Variants in NIN observed in about 807,000 individuals in gnomAD.
NIN encodes the protein glycogen synthase kinase 3 beta-interacting protein.
Under a neutral mutation model 257.6 loss-of-function variants are expected in NIN, and 137 were observed. The observed-to-expected ratio is 0.53, with a 90% CI of 0.46 to 0.61. The LOEUF (loss-of-function observed/expected upper bound fraction) is 0.61, where lower values mean the gene tolerates loss of function less well. Ranked by LOEUF, NIN falls within the 20% of genes least tolerant of loss-of-function variation. The pLI is 0.00. For synonymous variants in NIN, 918 were observed against 919.8 expected, an observed-to-expected ratio of 1.00 and a Z score of 0.04; for missense variants, 2,439 against 2,501.2, an observed-to-expected ratio of 0.98 and a Z score of 0.53.
At chr14:50,738,406 C>T (rs537938739) in intron 26 of NIN, 120 bp from the exon 27 acceptor site, 4 of 836,558 alleles carry the variant, frequency 4.8e-6, no homozygotes, top group Non-Finnish European at 5.6e-6. Flanking sequence ...CTTTTTCAAT[C>T]AAGCCTGTAA....
chr14:50,784,945 G>T (rs564658393), intron 5 of NIN, among the ~76,000 whole-genome samples: 2 of 152,184 alleles, frequency 1.3e-5, no homozygotes, highest in Non-Finnish European at 2.9e-5. Flanking sequence ...CAGCCCCATT[G>T]AGAGTAGGCA....
intron 14 of NIN, 136 bp from the exon 15 acceptor site, chr14:50,764,100 A>G (rs2042381375): frequency 2.8e-6 from 2 of 709,426 alleles, no homozygotes; most frequent in Non-Finnish European, 2.3e-6. Flanking sequence ...GAAAGTAGAA[A>G]TGTTTTGCAA....
At chr14:50,766,516 G>T in intron 13 of NIN, 120 bp from the exon 14 acceptor site, 1 of 868,482 alleles carries the variant, frequency 1.2e-6, no homozygotes, top group Non-Finnish European at 1.9e-6. Context: ...AATGTGACAT[G>T]TAAGCACGAA....
In NIN at chr14:50,756,762, G is replaced by A; in HGVS notation, c.4268C>T (p.Pro1423Leu). 1.9e-6 allele frequency: 3 copies of A among 1,551,502 alleles called. No homozygotes were observed. Among genetic ancestry groups the A allele is most frequent in the African/African-American group, 1.4e-5 (1 of 73,136 alleles). The change falls in exon 18 of 31, where the codon CCA becomes CTA. Residue 1423 changes from proline (P) to leucine (L), a missense_variant. Physicochemically the swap from Pro to Leu is moderately conservative, Grantham distance 98 (BLOSUM62 -3). Transcript: ENST00000530997. ...HGTIQTHQER[P>L]RVQNQVILEE... ...CAGTATAACTTGATTCTGTACTCTT[G>A]GCCTTTCTTGATGTGTCTGAATTGT...
chr14:50,722,408 C>T lies in NIN; in HGVS notation c.*1055G>A, dbSNP rs2140298244. The T allele has an allele frequency of 4.7e-6, 1 of 211,740 alleles. No individual in the cohort carries two copies. The highest frequency in any genetic ancestry group is 2.3e-5 in the African/African-American group (1 of 44,212). 13.1% of individuals were successfully genotyped at this position (211,740 alleles called of 1,614,324 possible). A position where few individuals can be genotyped will look rare whatever the true frequency, so the allele number is the denominator to read the frequency against. The stretch of plus-strand genomic sequence containing the variant: ...ACCCTAAAATCAAGGCCTTTTTTCC[C>T]CCAGAATATTAAATTTACTAAAAAC... On this transcript the variant is annotated 3_prime_UTR_variant, in exon 31 of 31. Transcript: ENST00000530997.
At chr14:50,723,894 G>A in intron 30 of NIN, 1 of 526,182 alleles carries the variant, frequency 1.9e-6, no homozygotes, top group South Asian at 2.4e-5. Context: ...AGATGTTTAT[G>A]TCAGTTACTA....
intron 5 of NIN, among the ~76,000 whole-genome samples, chr14:50,783,661 G>C (rs190417642): frequency 9.9e-5 from 15 of 152,066 alleles, no homozygotes; most frequent in African/African-American, 3.1e-4. Flanking sequence ...GGGGGTGGGT[G>C]GGGGAAGATT....
intron 3 of NIN, among the ~76,000 whole-genome samples, chr14:50,813,757 TGGGAGAA>T (rs2044750706): frequency 6.6e-6 from 1 of 152,174 alleles, no homozygotes; most frequent in African/African-American, 2.4e-5. Flanking sequence ...AGACCCAAGG[TGGGAGAA>T]CTCAAACTAG....
rs116065170 is a variant in NIN, at chr14:50,819,650, G to A, written c.183+2224C>T. Reference sequence around the variant, plus strand: ...ATGTCTTTATCAGCAGCGTGAAAACGGACTAATACAGATCCCATGCCATGA... The same window carrying A: ...ATGTCTTTATCAGCAGCGTGAAAACAGACTAATACAGATCCCATGCCATGA... On this transcript the variant is annotated intron_variant, in intron 3 of 30. Coordinates refer to ENST00000530997, the MANE Select transcript of NIN (RefSeq NM_020921.4). 3.8e-3 allele frequency among the ~76,000 whole-genome samples: 576 copies of A among 152,266 alleles called. 2 individuals carry two copies. Among genetic ancestry groups the A allele is most frequent in the African/African-American group, 0.013 (548 of 41,546 alleles).
At chr14:50,763,699 A>G (rs1248114917) in intron 15 of NIN, 127 bp downstream of exon 15, 3 of 765,834 alleles carry the variant, frequency 3.9e-6, no homozygotes, top group Middle Eastern at 3.7e-4. Context: ...TCAAGAAAAG[A>G]GTATGGCCAA....
At chr14:50,728,703 A>T (rs2040536423) in intron 29 of NIN, among the ~76,000 whole-genome samples, 1 of 152,252 alleles carries the variant, frequency 6.6e-6, no homozygotes, top group Non-Finnish European at 1.5e-5. Context: ...AATTAACTAA[A>T]TAGGCAAGCT....
chr14:50,747,974 A>T lies in NIN; in HGVS notation c.5064+18T>A. 1 of 1,534,302 alleles carries T rather than the reference A, an allele frequency of 6.5e-7. No individual in the cohort carries two copies. The highest frequency in any genetic ancestry group is 9.0e-7 in the Non-Finnish European group (1 of 1,107,172). On this transcript the variant is annotated intron_variant, in intron 22 of 30. Transcript: ENST00000530997. ...ACATATTGTTCTGTGAACCCCCCTT[A>T]GCTGCACACAGCCTTACCTGTTTCA...
In NIN at chr14:50,721,595, T is replaced by TCAAA. The variant is rs1426339986; in HGVS notation, c.*1864_*1867dup. On this transcript the variant is annotated 3_prime_UTR_variant, in exon 31 of 31. Transcript: ENST00000530997. Reference sequence around the variant, plus strand: ...GTGAAAGCTAATGCCATACAAGTAGTCAAACACTTACTAGAAATGTCTGCA... The same window carrying TCAAA: ...GTGAAAGCTAATGCCATACAAGTAGTCAAACAAACACTTACTAGAAATGTCTGCA... The TCAAA allele has an allele frequency of 4.6e-6, 1 of 217,624 alleles. No homozygotes were observed. The highest frequency in any genetic ancestry group is 9.3e-6 in the Non-Finnish European group (1 of 107,890). 13.5% of individuals were successfully genotyped at this position (217,624 alleles called of 1,614,324 possible).
intron 2 of NIN, chr14:50,823,488 T>C (rs948688274): frequency 2.2e-5 from 6 of 269,504 alleles, no homozygotes; most frequent in African/African-American, 1.4e-4. Context: ...GAACTGAAAA[T>C]AAAAGAGCTT....
chr14:50,761,677 T>C, intron 16 of NIN, 113 bp downstream of exon 16: 1 of 1,208,386 alleles, frequency 8.3e-7, no homozygotes, highest in Non-Finnish European at 1.2e-6. Flanking sequence ...GGATGTGGGT[T>C]CCCAACATAG....
intron 28 of NIN, among the ~76,000 whole-genome samples, chr14:50,733,441 T>C (rs989154203): frequency 6.6e-6 from 1 of 152,220 alleles, no homozygotes; most frequent in South Asian, 2.1e-4. Flanking sequence ...TAAATAGGTA[T>C]GAGATGTTCT....
chr14:50,782,579 A>T (rs545218253), intron 5 of NIN, among the ~76,000 whole-genome samples: 1 of 152,372 alleles, frequency 6.6e-6, no homozygotes, highest in African/African-American at 2.4e-5. Context: ...GGAAATAGAG[A>T]TAATAAAAAC....
chr14:50,803,383 C>T (rs2044181631), intron 4 of NIN, among the ~76,000 whole-genome samples: 1 of 152,076 alleles, frequency 6.6e-6, no homozygotes, highest in African/African-American at 2.4e-5. Flanking sequence ...ACAGACCTGG[C>T]CCCTTCTGGT....
At chr14:50,747,778 T>C (rs1050469479) in intron 22 of NIN, among the ~76,000 whole-genome samples, 1 of 151,714 alleles carries the variant, frequency 6.6e-6, no homozygotes, top group African/African-American at 2.4e-5. Context: ...GTACAACATA[T>C]ATAAGTTAGA....
Sources: gnomAD v4.1 joint callset for allele counts (sites outside exome capture counted in the v4.1 genomes callset) on GRCh38, gnomAD v4.1.1 for gene constraint, MANE v1.5 for transcripts, NCBI Gene and HGNC (gene_info 2026-07-23, HGNC 2026-07-21) for gene names.